Variants in POPDC3 observed in about 807,000 individuals in gnomAD.
POPDC3 encodes popeye domain-containing protein 3.
In POPDC3, 20 loss-of-function variants were observed where a neutral mutation model predicts 28.2. That is an observed-to-expected ratio of 0.71 (90% CI 0.50 to 1.03). POPDC3 has a LOEUF of 1.03. Among genes scored for constraint, POPDC3 ranks in the 50% least tolerant of loss-of-function variants. POPDC3 has a pLI of 0.00. For missense variants in POPDC3, 316 were observed against 345.9 expected (o/e 0.91, Z 0.69); for synonymous variants, 118 against 124.1 (o/e 0.95, Z 0.33).
chr6:105,172,928 G>C (rs557919445), intron 1 of POPDC3, among the ~76,000 whole-genome samples: 2 of 151,334 alleles, frequency 1.3e-5, no homozygotes, highest in Admixed American at 6.6e-5. Flanking sequence ...GGAGATATAC[G>C]TAGTGCTAAA....
intron 1 of POPDC3, among the ~76,000 whole-genome samples, chr6:105,174,919 A>G (rs766797053): frequency 1.4e-4 from 21 of 152,226 alleles, no homozygotes; most frequent in Non-Finnish European, 2.4e-4. Flanking sequence ...CTGTAATCCC[A>G]GCACTTTGGG....
rs538597724 is a variant in POPDC3 at position 105,161,372 on chromosome 6, A to C, written c.485+53T>G. Reference sequence around the variant, plus strand: ...GAGATGGAAAAATATAGTGGAAAGAAACACAAACAACTAATACTTGAGGAA... The same window carrying C: ...GAGATGGAAAAATATAGTGGAAAGACACACAAACAACTAATACTTGAGGAA... On this transcript the variant is annotated intron_variant, in intron 2 of 3. Transcript: ENST00000254765. The C allele has an allele frequency of 4.5e-6, 7 of 1,558,074 alleles. No individual in the cohort carries two copies. In the African/African-American group the frequency reaches 8.2e-5, roughly 18 times the overall value.
chr6:105,175,308 G>A (rs1377906665), intron 1 of POPDC3, among the ~76,000 whole-genome samples: 2 of 150,958 alleles, frequency 1.3e-5, no homozygotes, highest in South Asian at 2.1e-4. Flanking sequence ...GGAGGCTGAG[G>A]TGGGAGGATG....
At chr6:105,172,684 C>G (rs1174117474) in intron 1 of POPDC3, among the ~76,000 whole-genome samples, 1 of 150,786 alleles carries the variant, frequency 6.6e-6, no homozygotes, top group South Asian at 2.1e-4. Context: ...AGCACATATA[C>G]ACCATGGAAT....
At chr6:105,158,872 C>T in intron 3 of POPDC3, 121 bp from the exon 4 acceptor site, 1 of 805,692 alleles carries the variant, frequency 1.2e-6, no homozygotes, top group Non-Finnish European at 2.0e-6. Flanking sequence ...TGAAAAAGCC[C>T]ACTGACCTAC....
In POPDC3 at chr6:105,158,425, GAA is replaced by G; in HGVS notation, c.*43_*44del. The G allele has an allele frequency of 6.7e-7, 1 of 1,488,266 alleles. No individual in the cohort carries two copies. The highest frequency in any genetic ancestry group is 9.1e-7 in the Non-Finnish European group (1 of 1,104,220). 92.2% of individuals were successfully genotyped at this position (1,488,266 alleles called of 1,614,324 possible). A position where few individuals can be genotyped will look rare whatever the true frequency, so the allele number is the denominator to read the frequency against. On this transcript the variant is annotated 3_prime_UTR_variant, in exon 4 of 4. Coordinates refer to ENST00000254765, the MANE Select transcript of POPDC3 (RefSeq NM_022361.5). ...TTTTGCTATTTCACTGGGGAATGAT[GAA>G]GAGAGAGTCTTTTTTTATACTTATA...
chr6:105,168,668 C>T (rs1774510257), intron 1 of POPDC3: 1 of 152,170 alleles, frequency 6.6e-6, no homozygotes, highest in Non-Finnish European at 1.5e-5. Flanking sequence ...TAGATGCTCC[C>T]TTGATTAGGT....
intron 1 of POPDC3, among the ~76,000 whole-genome samples, chr6:105,179,387 C>G (rs1191873928): frequency 1.3e-5 from 2 of 152,140 alleles, no homozygotes; most frequent in Non-Finnish European, 1.5e-5. Flanking sequence ...CATGACTTCC[C>G]CAGGACTGAC....
At chr6:105,168,452 T>C (rs1402932814) in intron 1 of POPDC3, among the ~76,000 whole-genome samples, 1 of 152,226 alleles carries the variant, frequency 6.6e-6, no homozygotes, top group Non-Finnish European at 1.5e-5. Flanking sequence ...TCAGAGAACA[T>C]GCCGACAGGC....
chr6:105,177,552 G>A (rs1774704806), intron 1 of POPDC3, among the ~76,000 whole-genome samples: 1 of 152,162 alleles, frequency 6.6e-6, no homozygotes, highest in Non-Finnish European at 1.5e-5. Flanking sequence ...AAAGAAGACA[G>A]GAAGAACCAA....
chr6:105,161,709 C>T lies in POPDC3; in HGVS notation c.201G>A (p.Trp67Ter). 1 of 1,614,116 alleles carries T rather than the reference C, an allele frequency of 6.2e-7. No homozygotes were observed. Among genetic ancestry groups the T allele is most frequent in the African/African-American group, 1.3e-5 (1 of 75,036 alleles). Residue 67 changes from tryptophan to a stop codon, truncating the protein, a stop_gained, in exon 2 of 4, where the codon TGG becomes TGA. Coordinates refer to ENST00000254765, the MANE Select transcript of POPDC3 (RefSeq NM_022361.5). LOFTEE classifies it high-confidence loss of function. ...CAGCTGCACAGACATCTACCCAAGC[C>T]CAGACAGCAGAACAGAGAAAACCCA... ...LGLGFLCSAV[W>*]AWVDVCAADI...
At chr6:105,177,140 A>C (rs1774696561) in intron 1 of POPDC3, 2 of 213,426 alleles carry the variant, frequency 9.4e-6, no homozygotes, top group African/African-American at 4.6e-5. Flanking sequence ...CATAATAAAA[A>C]ATATTCCACA....
chr6:105,159,123 C>T (rs1425784760), intron 3 of POPDC3: 2 of 171,862 alleles, frequency 1.2e-5, no homozygotes, highest in Non-Finnish European at 2.4e-5. Flanking sequence ...GCAGTTTCTG[C>T]AGTAGAAAAC....
chr6:105,166,446 G>A (rs1380636788), intron 1 of POPDC3: 1 of 368,660 alleles, frequency 2.7e-6, no homozygotes, highest in African/African-American at 2.3e-5. Context: ...AAATCTAAGA[G>A]ATAGGAAGGA....
At chr6:105,164,182 CTTTGG>C (rs1774410222) in intron 1 of POPDC3, among the ~76,000 whole-genome samples, 1 of 152,288 alleles carries the variant, frequency 6.6e-6, no homozygotes, top group South Asian at 2.1e-4. Flanking sequence ...GAGCTCTGAA[CTTTGG>C]TTTGAACTTC....
At chr6:105,172,362 A>C (rs565912355) in intron 1 of POPDC3, among the ~76,000 whole-genome samples, 1 of 151,456 alleles carries the variant, frequency 6.6e-6, no homozygotes, top group South Asian at 2.1e-4. Flanking sequence ...TAGAATGGCA[A>C]TCATTAAAAA....
At chr6:105,179,257 T>A in intron 1 of POPDC3, 1 of 985,344 alleles carries the variant, frequency 1.0e-6, no homozygotes. Context: ...CGACCTTTGA[T>A]GAGGCAGCTT....
chr6:105,171,133 G>T (rs1375229748), intron 1 of POPDC3, among the ~76,000 whole-genome samples: 2 of 152,184 alleles, frequency 1.3e-5, no homozygotes, highest in South Asian at 4.1e-4. Flanking sequence ...TTTGCATTTT[G>T]CATTTTGCAT....
intron 1 of POPDC3, chr6:105,178,695 C>G (rs1035505005): frequency 1.0e-6 from 1 of 981,858 alleles, no homozygotes; most frequent in Non-Finnish European, 1.2e-6. Context: ...AACTGAGATC[C>G]AATTTTTTGT....
Sources: gnomAD v4.1 joint callset for allele counts (sites outside exome capture counted in the v4.1 genomes callset) on GRCh38, gnomAD v4.1.1 for gene constraint, MANE v1.5 for transcripts, NCBI Gene and HGNC (gene_info 2026-07-23, HGNC 2026-07-21) for gene names.